SPIRE2: variants seen among roughly 807,000 people sequenced by gnomAD.
SPIRE2 encodes spire type actin nucleation factor 2.
In SPIRE2, 76 loss-of-function variants were observed where a neutral mutation model predicts 80.7. The ratio of observed to expected loss-of-function variants is 0.94; its 90% CI spans 0.78 to 1.14. The LOEUF (loss-of-function observed/expected upper bound fraction) is 1.14, where lower values mean the gene tolerates loss of function less well. SPIRE2 is among the 50% of genes most tolerant of loss of function. The pLI is 0.00. For missense variants in SPIRE2, 1,196 were observed against 1,015.3 expected (o/e 1.18, Z -2.42); for synonymous variants, 535 against 432.6 (o/e 1.24, Z -2.94).
At chr16:89,853,615 A>G (rs1162011037) in intron 3 of SPIRE2, among the ~76,000 whole-genome samples, 1 of 151,892 alleles carries the variant, frequency 6.6e-6, no homozygotes, top group Non-Finnish European at 1.5e-5. Context: ...AGCCAGGGTG[A>G]CCGGTTCTGC....
chr16:89,858,935 C>T (rs1041867232), intron 8 of SPIRE2, among the ~76,000 whole-genome samples: 18 of 152,206 alleles, frequency 1.2e-4, no homozygotes, highest in African/African-American at 4.3e-4. Flanking sequence ...GAGGGCTCTG[C>T]CTCCGTCTGA....
Position 89,828,525 on chromosome 16 carries a change from G to A in SPIRE2, c.-26G>A. On this transcript the variant is annotated 5_prime_UTR_variant, in exon 1 of 15. Coordinates refer to ENST00000378247, the MANE Select transcript of SPIRE2 (RefSeq NM_032451.2). The surrounding 1 kb of genome is among the most constrained non-coding windows in gnomAD (Gnocchi z 5.9). ...GCGGCTGCATGGACGCGGGTCCGGC[G>A]CGCGGGAGGCGATGACGGCCCCGCC... The A allele has an allele frequency of 9.6e-7, 1 of 1,046,052 alleles. No individual in the cohort carries two copies. The highest frequency in any genetic ancestry group is 1.1e-6 in the Non-Finnish European group (1 of 871,102). The allele number at this position is 1,046,052 out of a possible 1,614,324, so 64.8% of individuals were successfully genotyped here. A position where few individuals can be genotyped will look rare whatever the true frequency, so the allele number is the denominator to read the frequency against.
At chr16:89,843,677 T>TTGG (rs1567671314) in intron 1 of SPIRE2, among the ~76,000 whole-genome samples, 3 of 25,530 alleles carry the variant, frequency 1.2e-4, no homozygotes, top group African/African-American at 4.2e-4. Flanking sequence ...GTTTTTTTTT[T>TTGG]TTTGTTTGTT....
intron 1 of SPIRE2, among the ~76,000 whole-genome samples, chr16:89,832,529 G>A (rs922041614): frequency 6.6e-6 from 1 of 151,996 alleles, no homozygotes; most frequent in Non-Finnish European, 1.5e-5. Context: ...CTTGGAATGC[G>A]TTCCTTAAAC....
intron 13 of SPIRE2, among the ~76,000 whole-genome samples, chr16:89,869,053 A>AAAAAAATATATATATAT: frequency 8.3e-5 from 2 of 24,028 alleles, no homozygotes; most frequent in Admixed American, 6.5e-4. Context: ...AAAAAAAAAA[A>AAAAAAATATATATATAT]ATATATATAT....
In SPIRE2 at chr16:89,863,311, A is replaced by C; in HGVS notation, c.1576-165A>C. 1 of 752,020 alleles carries C rather than the reference A, an allele frequency of 1.3e-6. No homozygotes were observed. Among genetic ancestry groups the C allele is most frequent in the Non-Finnish European group, 2.1e-6 (1 of 474,966 alleles). The allele number at this position is 752,020 out of a possible 1,614,324, so 46.6% of individuals were successfully genotyped here. On this transcript the variant is annotated intron_variant, in intron 10 of 14. Coordinates refer to ENST00000378247, the MANE Select transcript of SPIRE2 (RefSeq NM_032451.2). The surrounding 1 kb of genome is among the most constrained non-coding windows in gnomAD (Gnocchi z 4.3). ...CCTGCAGCAGCAGGGCCCATCAAAG[A>C]CATGGGGATGGATGGCTGATGGACA...
intron 1 of SPIRE2, among the ~76,000 whole-genome samples, chr16:89,836,819 A>G (rs1471394473): frequency 2.2e-5 from 3 of 134,386 alleles, no homozygotes; most frequent in South Asian, 2.3e-4. Flanking sequence ...GTCTCTACTG[A>G]AAAAAAAAAA....
intron 2 of SPIRE2, chr16:89,845,707 T>A (rs2041552678): frequency 1.5e-6 from 1 of 649,518 alleles, no homozygotes; most frequent in Non-Finnish European, 2.8e-6. Context: ...CGACTTCAGG[T>A]GCAAACAGGA....
chr16:89,840,398 C>T (rs1215859935), intron 1 of SPIRE2, among the ~76,000 whole-genome samples: 2 of 151,502 alleles, frequency 1.3e-5, no homozygotes, highest in Non-Finnish European at 2.9e-5. Context: ...TACAGGCGCC[C>T]GCCACCAGGC....
intron 10 of SPIRE2, among the ~76,000 whole-genome samples, chr16:89,861,544 C>G (rs1400943712): frequency 6.6e-6 from 1 of 152,222 alleles, no homozygotes; most frequent in Non-Finnish European, 1.5e-5. Flanking sequence ...CTAGGATTAG[C>G]TATATATCAC....
At chr16:89,843,313 G>C (rs2041520962) in intron 1 of SPIRE2, among the ~76,000 whole-genome samples, 1 of 152,164 alleles carries the variant, frequency 6.6e-6, no homozygotes, top group Non-Finnish European at 1.5e-5. Context: ...GGAGCAACCA[G>C]CTCCAGCGTG....
intron 1 of SPIRE2, among the ~76,000 whole-genome samples, chr16:89,830,473 G>A (rs2041368523): frequency 6.6e-6 from 1 of 151,248 alleles, no homozygotes; most frequent in Non-Finnish European, 1.5e-5. Context: ...CATCCTTGTG[G>A]TGCTTCTGAG....
intron 1 of SPIRE2, among the ~76,000 whole-genome samples, chr16:89,842,912 C>A (rs1361152962): frequency 1.3e-5 from 2 of 152,236 alleles, no homozygotes; most frequent in African/African-American, 4.8e-5. Flanking sequence ...ATGGAGCAGG[C>A]TCCCTTTATC....
chr16:89,839,602 C>G (rs1007947487), intron 1 of SPIRE2, among the ~76,000 whole-genome samples: 1 of 152,182 alleles, frequency 6.6e-6, no homozygotes, highest in Non-Finnish European at 1.5e-5. Context: ...ACCTGGGAAG[C>G]AGGAAACCCC....
intron 1 of SPIRE2, among the ~76,000 whole-genome samples, chr16:89,834,368 C>T (rs1417606487): frequency 3.7e-5 from 5 of 134,516 alleles, no homozygotes; most frequent in South Asian, 2.7e-4. Flanking sequence ...GGTTGGCCGT[C>T]GTAGAAGCCT....
At chr16:89,855,443 C>T (rs999011598) in intron 5 of SPIRE2, among the ~76,000 whole-genome samples, 157 bp from the exon 6 acceptor site, 1 of 152,018 alleles carries the variant, frequency 6.6e-6, no homozygotes, top group Non-Finnish European at 1.5e-5. Flanking sequence ...ATCTGCCGTG[C>T]GTTTACCAGG....
At chr16:89,840,888 C>T (rs886867501) in intron 1 of SPIRE2, among the ~76,000 whole-genome samples, 5 of 151,988 alleles carry the variant, frequency 3.3e-5, no homozygotes, top group African/African-American at 9.7e-5. Flanking sequence ...CCGCCTGCCT[C>T]GGCCTCCCAA....
chr16:89,869,054 A>AAAAAAATATATATATG (rs1491145682), intron 13 of SPIRE2, among the ~76,000 whole-genome samples: 1 of 48,470 alleles, frequency 2.1e-5, no homozygotes, highest in Non-Finnish European at 3.7e-5. Context: ...AAAAAAAAAA[A>AAAAAAATATATATATG]TATATATATA....
chr16:89,859,273 A>T lies in SPIRE2; in HGVS notation c.1381A>T (p.Thr461Ser), dbSNP rs775005297. 3.7e-6 allele frequency: 6 copies of T among 1,605,750 alleles called. No individual in the cohort carries two copies. The East Asian group carries it at 1.3e-4, about 36-fold the overall frequency. Residue 461 changes from threonine to serine, a missense_variant, in exon 9 of 15, where the codon ACC becomes TCC. Coordinates refer to ENST00000378247, the MANE Select transcript of SPIRE2 (RefSeq NM_032451.2). ...GGTGGCCTCTGGCCTGCAGTCGGCC[A>T]CCCACCCCCCAGGAGGGACGGAGCC... ...SEVASGLQSATHPPGGTEPPR... is the reference protein window; with the variant it reads ...SEVASGLQSASHPPGGTEPPR...
Sources: gnomAD v4.1 joint callset for allele counts (sites outside exome capture counted in the v4.1 genomes callset) on GRCh38, gnomAD v4.1.1 for gene constraint, Gnocchi (gnomAD v3.1) non-coding constraint, MANE v1.5 for transcripts, NCBI Gene and HGNC (gene_info 2026-07-23, HGNC 2026-07-21) for gene names.